The following AMPH variants were observed in gnomAD, a reference collection of about 807,000 sequenced individuals.
AMPH encodes the protein amphiphysin.
AMPH carries 49 observed loss-of-function variants against 99.1 expected under a neutral mutation model. The ratio of observed to expected loss-of-function variants is 0.49; its 90% CI spans 0.39 to 0.63. AMPH has a LOEUF of 0.63. AMPH is among the 20% of genes least tolerant of loss of function. The pLI is 0.00. For synonymous variants in AMPH, 314 were observed against 317.3 expected, an observed-to-expected ratio of 0.99 and a Z score of 0.11; for missense variants, 759 against 863.4, an observed-to-expected ratio of 0.88 and a Z score of 1.52.
chr7:38,570,608 T>C (rs1791908217), intron 1 of AMPH, among the ~76,000 whole-genome samples: 1 of 152,032 alleles, frequency 6.6e-6, no homozygotes, highest in Non-Finnish European at 1.5e-5. Context: ...GCATATGCAA[T>C]TATGTACAGA....
intron 7 of AMPH, among the ~76,000 whole-genome samples, chr7:38,469,283 C>T (rs1787789819): frequency 1.3e-5 from 2 of 152,106 alleles, no homozygotes; most frequent in South Asian, 4.2e-4. Context: ...TGAGACATCA[C>T]CATTTCCCCA....
intron 5 of AMPH, among the ~76,000 whole-genome samples, chr7:38,482,222 T>C (rs906351191): frequency 6.6e-6 from 1 of 152,140 alleles, no homozygotes; most frequent in South Asian, 2.1e-4. Flanking sequence ...AAATGTGGCT[T>C]GAGGGAGACA....
chr7:38,420,690 GGGGC>G (rs140692632), intron 16 of AMPH, among the ~76,000 whole-genome samples: 13,483 of 152,168 alleles, frequency 0.089, 779 homozygotes, highest in Middle Eastern at 0.15. Flanking sequence ...TGGGACAGCA[GGGGC>G]AGAAGTCTAG....
At chr7:38,461,551 A>T in intron 10 of AMPH, 140 bp from the exon 11 acceptor site, 2 of 1,020,014 alleles carry the variant, frequency 2.0e-6, no homozygotes, top group Non-Finnish European at 2.9e-6. Context: ...AGCCTATCTG[A>T]TACAGGTAAA....
At chr7:38,578,726 C>T (rs1792335900) in intron 1 of AMPH, among the ~76,000 whole-genome samples, 1 of 152,140 alleles carries the variant, frequency 6.6e-6, no homozygotes, top group African/African-American at 2.4e-5. Flanking sequence ...TATGATCACA[C>T]CACTGCACTC....
chr7:38,579,099 C>CT (rs1486240893), intron 1 of AMPH, among the ~76,000 whole-genome samples: 8 of 152,194 alleles, frequency 5.3e-5, no homozygotes, highest in Non-Finnish European at 1.5e-5. Context: ...CCCCAGGAGT[C>CT]CCTAGACCAA....
intron 3 of AMPH, among the ~76,000 whole-genome samples, chr7:38,497,301 G>A (rs1265445735): frequency 1.6e-4 from 25 of 152,066 alleles, no homozygotes; most frequent in Admixed American, 1.6e-3. Flanking sequence ...TGCTACCTCC[G>A]AGATTGAATA....
chr7:38,449,963 T>C (rs1786943428), intron 11 of AMPH, among the ~76,000 whole-genome samples: 1 of 152,204 alleles, frequency 6.6e-6, no homozygotes, highest in Admixed American at 6.5e-5. Flanking sequence ...TTGAATTCTA[T>C]TTCAGTTCAA....
chr7:38,600,421 G>A (rs1423611662), intron 1 of AMPH, among the ~76,000 whole-genome samples: 2 of 152,044 alleles, frequency 1.3e-5, no homozygotes, highest in Admixed American at 1.3e-4. Context: ...TAAATACAAT[G>A]ACTTCAGTGT....
intron 2 of AMPH, among the ~76,000 whole-genome samples, chr7:38,528,730 C>A (rs1356319951): frequency 6.6e-6 from 1 of 151,368 alleles, no homozygotes; most frequent in East Asian, 1.9e-4. Context: ...TCATTGATTT[C>A]TGTTCTTTTT....
intron 11 of AMPH, among the ~76,000 whole-genome samples, chr7:38,456,438 G>A (rs1265886354): frequency 1.3e-5 from 2 of 152,180 alleles, no homozygotes; most frequent in Non-Finnish European, 2.9e-5. Flanking sequence ...TGTCACCCCA[G>A]TGCTTCAGCA....
intron 1 of AMPH, among the ~76,000 whole-genome samples, chr7:38,559,819 TG>T (rs1791493583): frequency 6.6e-6 from 1 of 152,228 alleles, no homozygotes; most frequent in South Asian, 2.1e-4. Flanking sequence ...TGCTTCAGTA[TG>T]CCGAGTTTGT....
chr7:38,442,704 C>T lies in AMPH; in HGVS notation c.1018-6316G>A, dbSNP rs546947259. ...TGGGATGCTGCTAAAGCAGTACTTA[C>T]GGAAAATTTATAGCACTAAACTCCC... On this transcript the variant is annotated intron_variant, in intron 11 of 20. Transcript: ENST00000356264. Among the ~76,000 whole-genome samples, 51 of 152,010 alleles carry T rather than the reference C, an allele frequency of 3.4e-4. 2 individuals carry two copies. The South Asian group carries it at 6.8e-3, about 20-fold the overall frequency.
chr7:38,520,787 T>C (rs562400275), intron 2 of AMPH, among the ~76,000 whole-genome samples: 43 of 152,280 alleles, frequency 2.8e-4, no homozygotes, highest in African/African-American at 1.0e-3. Flanking sequence ...CATATGGAAG[T>C]AGCTGCAGTG....
intron 17 of AMPH, among the ~76,000 whole-genome samples, chr7:38,395,857 T>A (rs865943854): frequency 6.6e-6 from 1 of 152,196 alleles, no homozygotes; most frequent in African/African-American, 2.4e-5. Flanking sequence ...TCTACACTTA[T>A]AACAAAGCAG....
intron 2 of AMPH, among the ~76,000 whole-genome samples, chr7:38,523,567 T>C (rs1308329521): frequency 1.3e-5 from 2 of 152,196 alleles, no homozygotes; most frequent in Non-Finnish European, 2.9e-5. Context: ...AAATGACGAA[T>C]AGTAATGTAT....
chr7:38,629,235 T>A (rs1170976969), intron 1 of AMPH, among the ~76,000 whole-genome samples: 3 of 152,158 alleles, frequency 2.0e-5, no homozygotes, highest in Non-Finnish European at 4.4e-5. Flanking sequence ...CCCTTTTCTC[T>A]TTGTGCCAAG....
chr7:38,460,505 C>G (rs1323787188), intron 11 of AMPH, among the ~76,000 whole-genome samples: 1 of 152,126 alleles, frequency 6.6e-6, no homozygotes, highest in Non-Finnish European at 1.5e-5. Flanking sequence ...TATAGACACA[C>G]ACACACTACT....
intron 15 of AMPH, 77 bp from the exon 16 acceptor site, chr7:38,422,554 G>GTATCTATC (rs57006229): frequency 0.053 from 41,511 of 783,666 alleles, 1,430 homozygotes; most frequent in East Asian, 0.075. Context: ...GTCTGCCTAC[G>GTATCTATC]TATCTATCTA....
Sources: allele counts gnomAD v4.1 joint callset (sites outside exome capture counted in the v4.1 genomes callset), GRCh38; gene constraint gnomAD v4.1.1; transcripts MANE v1.5; gene names NCBI Gene and HGNC (gene_info 2026-07-23, HGNC 2026-07-21).